The following STMND1 variants were observed in gnomAD, a reference collection of about 807,000 sequenced individuals.
STMND1 encodes the protein stathmin domain-containing protein 1.
In STMND1, 17 loss-of-function variants were observed where a neutral mutation model predicts 23.0. The observed-to-expected ratio is 0.74, with a 90% CI of 0.51 to 1.11. STMND1 has a LOEUF of 1.11. Among genes scored for constraint, STMND1 ranks in the 50% least tolerant of loss-of-function variants. STMND1 has a pLI of 0.00. For synonymous variants in STMND1, 114 were observed against 119.9 expected (o/e 0.95, Z 0.32); for missense variants, 305 against 329.1 (o/e 0.93, Z 0.57).
Position 17,102,187 on chromosome 6 carries a change from G to A in STMND1, c.-71G>A. Reference sequence around the variant, plus strand: ...CAGGAGCGCGGGACCACCGGCGCCGGAGCGCGGCAGGGAGCGCTCGCGGGG... The same window carrying A: ...CAGGAGCGCGGGACCACCGGCGCCGAAGCGCGGCAGGGAGCGCTCGCGGGG... On this transcript the variant is annotated 5_prime_UTR_variant, in exon 1 of 5. Transcript: ENST00000536551. The A allele has an allele frequency of 7.1e-7, 1 of 1,415,860 alleles. No homozygotes were observed. Among genetic ancestry groups the A allele is most frequent in the Non-Finnish European group, 9.2e-7 (1 of 1,090,782 alleles). The allele number at this position is 1,415,860 out of a possible 1,614,324, so 87.7% of individuals were successfully genotyped here. A position where few individuals can be genotyped will look rare whatever the true frequency, so the allele number is the denominator to read the frequency against.
chr6:17,122,062 C>T (rs956609367), intron 3 of STMND1, among the ~76,000 whole-genome samples: 1 of 152,034 alleles, frequency 6.6e-6, no homozygotes, highest in African/African-American at 2.4e-5. Flanking sequence ...AGGATTTCAC[C>T]ATCTTGACCA....
At chr6:17,119,327 AGT>A (rs374022012) in intron 2 of STMND1, among the ~76,000 whole-genome samples, 9 of 151,664 alleles carry the variant, frequency 5.9e-5, no homozygotes, top group Non-Finnish European at 8.8e-5. Flanking sequence ...GCATCTGATT[AGT>A]GTGTGTGTGT....
chr6:17,104,612 A>G (rs931384662), intron 1 of STMND1, among the ~76,000 whole-genome samples: 1 of 152,058 alleles, frequency 6.6e-6, no homozygotes, highest in Admixed American at 6.6e-5. Flanking sequence ...AAGTCTCCTA[A>G]TTGCTCTCCC....
chr6:17,126,646 G>A lies in STMND1; in HGVS notation c.412-2466G>A, dbSNP rs549344136. 1.1e-4 allele frequency among the ~76,000 whole-genome samples: 16 copies of A among 152,120 alleles called. No individual in the cohort carries two copies. The South Asian group carries it at 2.7e-3, about 26-fold the overall frequency. On this transcript the variant is annotated intron_variant, in intron 3 of 4. Transcript: ENST00000536551. ...TAGCAAGTATTTCCCTCTTTTCAGCGGGTGGTCTTTGCCAGCAGGAAACTT... is the reference window on the plus strand; with the variant it reads ...TAGCAAGTATTTCCCTCTTTTCAGCAGGTGGTCTTTGCCAGCAGGAAACTT...
At chr6:17,115,254 C>A in intron 2 of STMND1, 115 bp downstream of exon 2, 1 of 922,792 alleles carries the variant, frequency 1.1e-6, no homozygotes, top group Non-Finnish European at 1.5e-6. Flanking sequence ...CCATGAAGTA[C>A]ATTAAATGGC....
rs538816650 is a variant in STMND1, at chr6:17,123,557, C to T, written c.411+2799C>T. Among the ~76,000 whole-genome samples, 34 of 152,236 alleles carry T rather than the reference C, an allele frequency of 2.2e-4. 1 individual carries two copies. The South Asian group carries it at 6.8e-3, about 31-fold the overall frequency. ...ACCACTTCCGACCACACAGCCTGGGCGTGTGGCCCTGCTTTCACACTTCTG... is the reference window on the plus strand; with the variant it reads ...ACCACTTCCGACCACACAGCCTGGGTGTGTGGCCCTGCTTTCACACTTCTG... On this transcript the variant is annotated intron_variant, in intron 3 of 4. Coordinates refer to ENST00000536551, the MANE Select transcript of STMND1 (RefSeq NM_001190766.2).
At chr6:17,111,300 G>A (rs935644415) in intron 1 of STMND1, among the ~76,000 whole-genome samples, 1 of 152,128 alleles carries the variant, frequency 6.6e-6, no homozygotes, top group Admixed American at 6.6e-5. Context: ...AGTATTTATC[G>A]AGGGCCTTCT....
intron 1 of STMND1, among the ~76,000 whole-genome samples, chr6:17,111,873 A>G (rs1172014673): frequency 6.6e-6 from 1 of 152,214 alleles, no homozygotes; most frequent in African/African-American, 2.4e-5. Context: ...GTGTCCTCAC[A>G]TGGCAGAAAA....
intron 2 of STMND1, among the ~76,000 whole-genome samples, chr6:17,119,223 G>C (rs1262811097): frequency 6.6e-6 from 1 of 152,186 alleles, no homozygotes; most frequent in East Asian, 1.9e-4. Flanking sequence ...GCACTGGACA[G>C]ATACTAAGAT....
At chr6:17,126,118 A>G (rs1761302122) in intron 3 of STMND1, among the ~76,000 whole-genome samples, 1 of 119,784 alleles carries the variant, frequency 8.3e-6, no homozygotes, top group African/African-American at 3.4e-5. Flanking sequence ...GGGTCTGACT[A>G]CATTGCCCAG....
At chr6:17,121,059 G>A (rs114700517) in intron 3 of STMND1, among the ~76,000 whole-genome samples, 1,840 of 152,234 alleles carry the variant, frequency 0.012, 40 homozygotes, top group African/African-American at 0.042. Context: ...GATAGTGAGT[G>A]AGTCTCACAA....
At chr6:17,103,046 T>G (rs1318005711) in intron 1 of STMND1, among the ~76,000 whole-genome samples, 2 of 152,216 alleles carry the variant, frequency 1.3e-5, no homozygotes, top group Non-Finnish European at 2.9e-5. Context: ...ATGAGTTGGC[T>G]GAGCAGAAAT....
intron 2 of STMND1, 119 bp from the exon 3 acceptor site, chr6:17,120,488 G>T (rs1377724704): frequency 1.5e-6 from 1 of 667,882 alleles, no homozygotes; most frequent in Non-Finnish European, 2.4e-6. Flanking sequence ...AATATATTAA[G>T]TGTTGAAACT....
intron 3 of STMND1, among the ~76,000 whole-genome samples, chr6:17,122,605 T>G (rs9350030): frequency 0.21 from 31,649 of 151,810 alleles, 3,639 homozygotes; most frequent in East Asian, 0.38. Context: ...AAAGCCAAAG[T>G]GGCATTTTCT....
At position 17,102,151 on chromosome 6, in the gene STMND1, G is replaced by A; in HGVS notation, c.-107G>A. The A allele has an allele frequency of 4.3e-6, 5 of 1,160,688 alleles. No individual in the cohort carries two copies. The highest frequency in any genetic ancestry group is 4.5e-6 in the Non-Finnish European group (4 of 887,928). The allele number at this position is 1,160,688 out of a possible 1,614,324, so 71.9% of individuals were successfully genotyped here. A position where few individuals can be genotyped will look rare whatever the true frequency, so the allele number is the denominator to read the frequency against. Reference sequence around the variant, plus strand: ...CCCGAGCGCAGTAGCAGGGGCGTAGGGCGCAGGGCGCAGGAGCGCGGGACC... The same window carrying A: ...CCCGAGCGCAGTAGCAGGGGCGTAGAGCGCAGGGCGCAGGAGCGCGGGACC... On this transcript the variant is annotated 5_prime_UTR_variant, in exon 1 of 5. Transcript: ENST00000536551.
At chr6:17,118,812 C>T (rs1211414606) in intron 2 of STMND1, among the ~76,000 whole-genome samples, 1 of 152,142 alleles carries the variant, frequency 6.6e-6, no homozygotes, top group African/African-American at 2.4e-5. Flanking sequence ...GGATAACACA[C>T]ATGCTACCTG....
At chr6:17,108,512 G>A (rs994924846) in intron 1 of STMND1, among the ~76,000 whole-genome samples, 6 of 152,040 alleles carry the variant, frequency 3.9e-5, no homozygotes, top group Non-Finnish European at 7.4e-5. Flanking sequence ...AAAAATGATG[G>A]ATCTGCAAAC....
In STMND1 at chr6:17,129,162, A is replaced by T; in HGVS notation, c.462A>T (p.Lys154Asn). ...PLRKPPSRLK[K>N]LKIKKQVKDF... is the part of the protein sequence containing the mutation. ...GAAAGCCACCTTCCAGACTGAAAAA[A>T]CTCAAGATCAAAAAGCAAGTGAAGG... Residue 154 changes from lysine to asparagine, a missense_variant, in exon 4 of 5, where the codon AAA becomes AAT. Physicochemically the swap from Lys to Asn is moderately conservative, Grantham distance 94 (BLOSUM62 0). Coordinates refer to ENST00000536551, the MANE Select transcript of STMND1 (RefSeq NM_001190766.2). The T allele has an allele frequency of 6.5e-7, 1 of 1,535,816 alleles. No homozygotes were observed.
rs57864358 is a variant in STMND1 at position 17,129,541 on chromosome 6, TA to T, written c.543+314del. 5.0e-3 allele frequency among the ~76,000 whole-genome samples: 652 copies of T among 130,644 alleles called. 1 individual carries two copies. Among genetic ancestry groups the T allele is most frequent in the Middle Eastern group, 0.012 (3 of 258 alleles). 85.7% of individuals were successfully genotyped at this position (130,644 alleles called of 152,430 possible). ...CCCATACCACTACATGAGGCTGATT[TA>T]AAAAAAAAAAAAAAATTGTTGGCCA... On this transcript the variant is annotated intron_variant, in intron 4 of 4. Transcript: ENST00000536551.
Sources: allele counts gnomAD v4.1 joint callset (sites outside exome capture counted in the v4.1 genomes callset), GRCh38; gene constraint gnomAD v4.1.1; transcripts MANE v1.5; gene names NCBI Gene and HGNC (gene_info 2026-07-23, HGNC 2026-07-21).